The following VWA3B variants were observed in gnomAD, a reference collection of about 807,000 sequenced individuals.
The protein encoded by VWA3B is von Willebrand factor A domain containing 3B.
Under a neutral mutation model 158.3 loss-of-function variants are expected in VWA3B, and 138 were observed. The observed-to-expected ratio is 0.87, with a 90% CI of 0.76 to 1.00. The LOEUF (loss-of-function observed/expected upper bound fraction) is 1.00. VWA3B is among the 50% of genes least tolerant of loss of function. The pLI is 0.00. For missense variants in VWA3B, 1,555 were observed against 1,565.1 expected (o/e 0.99, Z 0.11); for synonymous variants, 596 against 587.3 (o/e 1.01, Z -0.21).
At chr2:98,293,980 T>C (rs776647931) in intron 23 of VWA3B, among the ~76,000 whole-genome samples, 12 of 152,016 alleles carry the variant, frequency 7.9e-5, no homozygotes, top group Non-Finnish European at 1.5e-4. Context: ...GATAGTGACA[T>C]TATTTAAGCA....
intron 7 of VWA3B, among the ~76,000 whole-genome samples, chr2:98,146,647 A>T (rs1677196957): frequency 6.6e-6 from 1 of 152,192 alleles, no homozygotes; most frequent in Admixed American, 6.5e-5. Flanking sequence ...CTCTGGGTAC[A>T]CATTCTCTGT....
chr2:98,243,964 T>C (rs1452970409), intron 19 of VWA3B, among the ~76,000 whole-genome samples: 1 of 152,202 alleles, frequency 6.6e-6, no homozygotes, highest in Non-Finnish European at 1.5e-5. Context: ...AACAGTGAAG[T>C]TGGAGAATTC....
chr2:98,290,533 C>G lies in VWA3B; in HGVS notation c.3068C>G (p.Pro1023Arg), dbSNP rs779799210. 2.4e-4 allele frequency: 382 copies of G among 1,579,684 alleles called. 4 individuals are homozygous for G. The South Asian group carries it at 4.4e-3, about 18-fold the overall frequency. Residue 1023 changes from proline to arginine, a missense_variant, in exon 23 of 28, where the codon CCA (proline) becomes CGA (arginine). Pro to Arg is a moderately radical substitution (Grantham distance 103, BLOSUM62 -2). Transcript: ENST00000477737. The part of the protein sequence containing the change: ...PGEQQKLQGN[P>R]TKKTKSKRPD... ...CAGCAACAGAAATTGCAAGGAAATCCAACAAAGAAAACCAAATCAAAAAGA... is the reference window on the plus strand; with the variant it reads ...CAGCAACAGAAATTGCAAGGAAATCGAACAAAGAAAACCAAATCAAAAAGA...
Position 98,230,101 on chromosome 2 carries a change from G to A in VWA3B, c.2202G>A (p.Lys734=), listed in dbSNP as rs776988911. The A allele has an allele frequency of 1.5e-5, 24 of 1,610,628 alleles. No homozygotes were observed. Among genetic ancestry groups the A allele is most frequent in the Non-Finnish European group, 1.9e-5 (22 of 1,179,222 alleles). The change falls in exon 16 of 28, where the codon AAG becomes AAA. Residue 734 remains lysine, a synonymous_variant. Coordinates refer to ENST00000477737, the MANE Select transcript of VWA3B (RefSeq NM_144992.5). ...TTTCAACCCCAGAAAAGTGTGCAAA[G>A]CCTCAATCTGATGTCGATTCAACAC... The part of the protein sequence containing the change: ...SMISTPEKCA[K]PQSDVDSTQT...
At chr2:98,223,473 A>C (rs949578045) in intron 14 of VWA3B, among the ~76,000 whole-genome samples, 2 of 152,210 alleles carry the variant, frequency 1.3e-5, no homozygotes, top group African/African-American at 4.8e-5. Flanking sequence ...GAAATATACA[A>C]ATATACAGAT....
intron 21 of VWA3B, among the ~76,000 whole-genome samples, chr2:98,266,312 C>G (rs908333364): frequency 1.3e-5 from 2 of 151,742 alleles, no homozygotes; most frequent in Non-Finnish European, 2.9e-5. Context: ...AATCCTTTCC[C>G]CATTGCTTGT....
intron 5 of VWA3B, chr2:98,128,028 T>C: frequency 3.8e-6 from 2 of 521,780 alleles, no homozygotes; most frequent in Non-Finnish European, 6.9e-6. Flanking sequence ...CCCAAGACAA[T>C]AGCCACTGTT....
At chr2:98,249,906 T>C (rs898567516) in intron 19 of VWA3B, among the ~76,000 whole-genome samples, 1 of 152,114 alleles carries the variant, frequency 6.6e-6, no homozygotes, top group Non-Finnish European at 1.5e-5. Flanking sequence ...AAAATAAATA[T>C]ATGAAAAAGG....
chr2:98,093,672 T>C (rs186009633), intron 2 of VWA3B, among the ~76,000 whole-genome samples: 2 of 152,298 alleles, frequency 1.3e-5, no homozygotes, highest in African/African-American at 2.4e-5. Context: ...ACCCACTCTT[T>C]CTGTGTTTTT....
At chr2:98,244,237 T>C (rs971030418) in intron 19 of VWA3B, among the ~76,000 whole-genome samples, 1 of 152,198 alleles carries the variant, frequency 6.6e-6, no homozygotes, top group Non-Finnish European at 1.5e-5. Flanking sequence ...TTACTACAGT[T>C]TAATTATTCC....
intron 24 of VWA3B, among the ~76,000 whole-genome samples, chr2:98,298,436 T>G (rs181526196): frequency 2.4e-3 from 310 of 128,270 alleles, no homozygotes; most frequent in African/African-American, 7.0e-3. Context: ...TCTATTCTAT[T>G]CTATTCTATG....
intron 7 of VWA3B, among the ~76,000 whole-genome samples, chr2:98,153,884 G>A (rs888406912): frequency 6.6e-6 from 1 of 152,120 alleles, no homozygotes; most frequent in Non-Finnish European, 1.5e-5. Flanking sequence ...AATCTCTTGA[G>A]ACAGTCTCGC....
intron 23 of VWA3B, among the ~76,000 whole-genome samples, chr2:98,297,001 G>A (rs111941460): frequency 0.039 from 5,911 of 151,066 alleles, 167 homozygotes; most frequent in Middle Eastern, 0.075. Context: ...GGCAAAAACC[G>A]CAATTATTTT....
intron 8 of VWA3B, among the ~76,000 whole-genome samples, chr2:98,175,508 T>C (rs1679938030): frequency 1.3e-5 from 2 of 152,126 alleles, no homozygotes; most frequent in African/African-American, 4.8e-5. Context: ...GATAGCTCAA[T>C]TGAGGTTACC....
intron 2 of VWA3B, among the ~76,000 whole-genome samples, chr2:98,109,056 A>T (rs541458166): frequency 6.7e-6 from 1 of 149,770 alleles, no homozygotes; most frequent in East Asian, 1.9e-4. Context: ...GCAATGGCAC[A>T]ATCTTGGCTC....
chr2:98,329,365 C>CA, the VWA3B span, among the ~76,000 whole-genome samples: 20 of 151,912 alleles, frequency 1.3e-4, no homozygotes, highest in African/African-American at 4.8e-5. Context: ...AACTTCTACT[C>CA]AAAAAAAGAT....
intron 7 of VWA3B, among the ~76,000 whole-genome samples, chr2:98,142,075 C>T (rs916589244): frequency 5.9e-5 from 9 of 152,276 alleles, no homozygotes; most frequent in Non-Finnish European, 1.3e-4. Context: ...GTCCCCATCC[C>T]GAGCTTTACC....
chr2:98,173,285 A>G (rs753664974), intron 8 of VWA3B, among the ~76,000 whole-genome samples: 1 of 152,220 alleles, frequency 6.6e-6, no homozygotes, highest in African/African-American at 2.4e-5. Flanking sequence ...ATAAAATAAT[A>G]TTTCTTCCCA....
intron 14 of VWA3B, among the ~76,000 whole-genome samples, chr2:98,227,446 A>G (rs1335506376): frequency 1.3e-5 from 2 of 152,216 alleles, no homozygotes; most frequent in Non-Finnish European, 2.9e-5. Flanking sequence ...CTTGTATGCA[A>G]ATGTGTGTAG....
Sources: gnomAD v4.1 joint callset for allele counts (sites outside exome capture counted in the v4.1 genomes callset) on GRCh38, gnomAD v4.1.1 for gene constraint, MANE v1.5 for transcripts, NCBI Gene and HGNC (gene_info 2026-07-23, HGNC 2026-07-21) for gene names.